C1QL3: variants seen among roughly 807,000 people sequenced by gnomAD.
The protein encoded by C1QL3 is complement C1q like 3, also known as complement C1q-like protein 3.
A neutral mutation model predicts 16.6 loss-of-function variants in C1QL3; 4 were observed. The observed-to-expected ratio is 0.24, with a 90% CI of 0.12 to 0.55. C1QL3 has a LOEUF of 0.55. Among genes scored for constraint, C1QL3 ranks in the 20% least tolerant of loss-of-function variants. The pLI is 0.94. For missense variants in C1QL3, 269 were observed against 365.6 expected (o/e 0.74, Z 2.16); for synonymous variants, 189 against 160.2 (o/e 1.18, Z -1.36).
chr10:16,515,915 TTTATCACTTGGCAAAATGAGAGAAA>T (rs1255358268), intron 1 of C1QL3, among the ~76,000 whole-genome samples: 1 of 152,188 alleles, frequency 6.6e-6, no homozygotes, highest in Non-Finnish European at 1.5e-5. Context: ...TATGCTGGAT[TTTATCACTTGGCAAAATGAGAGAAA>T]TGAGACAGAA....
chr10:16,520,290 G>T lies in C1QL3; in HGVS notation c.588+188C>A, dbSNP rs1242977419. On this transcript the variant is annotated intron_variant, in intron 1 of 1. Coordinates refer to ENST00000298943, the MANE Select transcript of C1QL3 (RefSeq NM_001010908.2). This position sits in a 1 kb window ranked among gnomAD's most constrained non-coding sequence, Gnocchi z 8.3. ...AACTGCCCTCTCCAGGCCGCGGGGC[G>T]CCCTCCTGCGCGCACGACCCCCGCC... Among the ~76,000 whole-genome samples the T allele has an allele frequency of 6.6e-6, 1 of 151,904 alleles. No homozygotes were observed. Among genetic ancestry groups the T allele is most frequent in the Non-Finnish European group, 1.5e-5 (1 of 67,930 alleles).
chr10:16,521,083 C>T lies in C1QL3; in HGVS notation c.-18G>A. The T allele has an allele frequency of 1.9e-6, 3 of 1,585,688 alleles. No individual in the cohort carries two copies. The highest frequency in any genetic ancestry group is 1.1e-5 in the South Asian group (1 of 88,836). ...AGCACCATCACCACCCCCAGCGCCC[C>T]GGCGGCGATCAGGCGCCTCCTGCTG... On this transcript the variant is annotated 5_prime_UTR_variant, in exon 1 of 2. Transcript: ENST00000298943.
intron 1 of C1QL3, among the ~76,000 whole-genome samples, chr10:16,515,783 T>A (rs1441989432): frequency 6.6e-6 from 1 of 152,164 alleles, no homozygotes; most frequent in African/African-American, 2.4e-5. Context: ...GTAAAACATC[T>A]TCTACTTTGT....
Position 16,520,441 on chromosome 10 carries a change from T to TCC in C1QL3, c.588+35_588+36dup. 8.1e-7 allele frequency: 1 copy of TCC among 1,227,532 alleles called. No individual in the cohort carries two copies. The highest frequency in any genetic ancestry group is 1.1e-6 in the Non-Finnish European group (1 of 881,044). The allele number at this position is 1,227,532 out of a possible 1,614,324, so 76.0% of individuals were successfully genotyped here. A position where few individuals can be genotyped will look rare whatever the true frequency, so the allele number is the denominator to read the frequency against. On this transcript the variant is annotated intron_variant, in intron 1 of 1. Coordinates refer to ENST00000298943, the MANE Select transcript of C1QL3 (RefSeq NM_001010908.2). The surrounding 1 kb of genome is among the most constrained non-coding windows in gnomAD (Gnocchi z 8.3). ...CCCTCTCGCCCGCACCTTCCCGCGC[T>TCC]CCCTCCCCGCCCTCCCCGCCGCCCG...
rs1836911594 is a variant in C1QL3, at chr10:16,514,182, A to T, written c.*346T>A. 2 of 399,512 alleles carry T rather than the reference A, an allele frequency of 5.0e-6. No individual in the cohort carries two copies. The highest frequency in any genetic ancestry group is 8.8e-6 in the Non-Finnish European group (2 of 226,910). The allele number at this position is 399,512 out of a possible 1,614,324, so 24.7% of individuals were successfully genotyped here. On this transcript the variant is annotated 3_prime_UTR_variant, in exon 2 of 2. Coordinates refer to ENST00000298943, the MANE Select transcript of C1QL3 (RefSeq NM_001010908.2). ...AAGCTGACATATGGATAAAAGCAGC[A>T]AGATCACAGTACACCAAAGTATCAT...
intron 1 of C1QL3, among the ~76,000 whole-genome samples, chr10:16,519,194 T>G (rs565484204): frequency 7.0e-6 from 1 of 142,822 alleles, no homozygotes; most frequent in African/African-American, 2.6e-5. Flanking sequence ...GACACTGAAG[T>G]AGGTCTTCCG....
At chr10:16,518,806 CAATT>C (rs1836991349) in intron 1 of C1QL3, among the ~76,000 whole-genome samples, 2 of 152,036 alleles carry the variant, frequency 1.3e-5, no homozygotes, top group African/African-American at 2.4e-5. Context: ...AGAAGAGAGC[CAATT>C]TGCAAATAAA....
chr10:16,518,807 A>G (rs11254046), intron 1 of C1QL3, among the ~76,000 whole-genome samples: 21,208 of 152,040 alleles, frequency 0.14, 1,625 homozygotes, highest in Middle Eastern at 0.22. Flanking sequence ...GAAGAGAGCC[A>G]ATTTGCAAAT....
chr10:16,514,774 A>G lies in C1QL3; in HGVS notation c.589-67T>C, dbSNP rs868409701. ...TCTCAAGTTTTCTTTTTTGCCATTC[A>G]TGTAGCATCACAAGCTGACTTGCTG... is the stretch of plus-strand genomic sequence containing the variant. On this transcript the variant is annotated intron_variant, in intron 1 of 1. Coordinates refer to ENST00000298943, the MANE Select transcript of C1QL3 (RefSeq NM_001010908.2). 64 of 1,205,492 alleles carry G rather than the reference A, an allele frequency of 5.3e-5. No individual in the cohort carries two copies. The Middle Eastern group carries it at 2.0e-3, about 37-fold the overall frequency. The allele number at this position is 1,205,492 out of a possible 1,614,324, so 74.7% of individuals were successfully genotyped here.
intron 1 of C1QL3, among the ~76,000 whole-genome samples, chr10:16,519,139 A>ATTTTTTTTTTTTTTTTT (rs1385047282): frequency 1.2e-3 from 31 of 26,086 alleles, no homozygotes; most frequent in Non-Finnish European, 1.5e-3. Context: ...CGCATTTAGG[A>ATTTTTTTTTTTTTTTTT]CTTTTTTTTT....
chr10:16,514,791 G>T, intron 1 of C1QL3, 84 bp from the exon 2 acceptor site: 2 of 984,912 alleles, frequency 2.0e-6, no homozygotes, highest in Non-Finnish European at 3.0e-6. Context: ...ATCACAAGCT[G>T]ACTTGCTGCC....
chr10:16,517,409 G>A (rs987915982), intron 1 of C1QL3, among the ~76,000 whole-genome samples: 2 of 152,106 alleles, frequency 1.3e-5, no homozygotes, highest in African/African-American at 4.8e-5. Context: ...GTACCAACTG[G>A]TCTTTAATTA....
At chr10:16,517,849 T>C (rs2133539700) in intron 1 of C1QL3, among the ~76,000 whole-genome samples, 1 of 152,336 alleles carries the variant, frequency 6.6e-6, no homozygotes, top group East Asian at 1.9e-4. Context: ...TTCTGTGGAA[T>C]CATAAACAAA....
intron 1 of C1QL3, among the ~76,000 whole-genome samples, chr10:16,515,517 C>A (rs1345954514): frequency 6.6e-6 from 1 of 152,144 alleles, no homozygotes; most frequent in Non-Finnish European, 1.5e-5. Context: ...CGTTGAATAT[C>A]CACTTACACT....
intron 1 of C1QL3, among the ~76,000 whole-genome samples, chr10:16,519,999 G>C (rs1588642115): frequency 6.6e-6 from 1 of 152,062 alleles, no homozygotes; most frequent in Admixed American, 6.5e-5. Flanking sequence ...TCATTCCTTC[G>C]GGGCCCTTGT....
In C1QL3 at chr10:16,520,306, G is replaced by T. The variant is rs1324460154; in HGVS notation, c.588+172C>A. 1.3e-5 allele frequency among the ~76,000 whole-genome samples: 2 copies of T among 151,594 alleles called. No homozygotes were observed. The highest frequency in any genetic ancestry group is 4.2e-4 in the South Asian group (2 of 4,808). On this transcript the variant is annotated intron_variant, in intron 1 of 1. Transcript: ENST00000298943. The surrounding 1 kb of genome is among the most constrained non-coding windows in gnomAD (Gnocchi z 8.3). ...CCGCGGGGCGCCCTCCTGCGCGCAC[G>T]ACCCCCGCCTCTCCAGGGTGGGACG...
intron 1 of C1QL3, among the ~76,000 whole-genome samples, chr10:16,519,196 G>A (rs543923516): frequency 4.7e-4 from 53 of 111,996 alleles, no homozygotes; most frequent in African/African-American, 1.8e-3. Context: ...CACTGAAGTA[G>A]GTCTTCCGAA....
intron 1 of C1QL3, among the ~76,000 whole-genome samples, 179 bp from the exon 2 acceptor site, chr10:16,514,886 T>C (rs775069782): frequency 6.6e-6 from 1 of 152,106 alleles, no homozygotes; most frequent in East Asian, 1.9e-4. Flanking sequence ...GCTACGTTAG[T>C]GAGAAGGAGG....
Position 16,520,390 on chromosome 10 carries a change from TCCCACCCC to T in C1QL3, c.588+80_588+87del, listed in dbSNP as rs1476818186. The stretch of plus-strand genomic sequence containing the variant: ...GCCGCCGCGCCCTTCCTCCGCGGGC[TCCCACCCC>T]CATTTCCGGGGTCTCCTCCCTCTCG... On this transcript the variant is annotated intron_variant, in intron 1 of 1. Coordinates refer to ENST00000298943, the MANE Select transcript of C1QL3 (RefSeq NM_001010908.2). This position sits in a 1 kb window ranked among gnomAD's most constrained non-coding sequence, Gnocchi z 8.3. 9.7e-7 allele frequency: 1 copy of T among 1,033,908 alleles called. No homozygotes were observed. The highest frequency in any genetic ancestry group is 1.4e-6 in the Non-Finnish European group (1 of 733,562). 64.0% of individuals were successfully genotyped at this position (1,033,908 alleles called of 1,614,324 possible).
Sources: gnomAD v4.1 joint callset for allele counts (sites outside exome capture counted in the v4.1 genomes callset) on GRCh38, gnomAD v4.1.1 for gene constraint, Gnocchi (gnomAD v3.1) non-coding constraint, MANE v1.5 for transcripts, NCBI Gene and HGNC (gene_info 2026-07-23, HGNC 2026-07-21) for gene names.